The following RALYL variants were observed in gnomAD, a reference collection of about 807,000 sequenced individuals.
The protein encoded by RALYL is RNA-binding Raly-like protein.
RALYL carries 29 observed loss-of-function variants against 35.1 expected under a neutral mutation model. That is an observed-to-expected ratio of 0.83 (90% CI 0.61 to 1.13). The LOEUF (loss-of-function observed/expected upper bound fraction) is 1.13. RALYL is among the 50% of genes most tolerant of loss of function. RALYL has a pLI of 0.00. For missense variants in RALYL, 359 were observed against 360.4 expected, an observed-to-expected ratio of 1.00 and a Z score of 0.03; for synonymous variants, 120 against 127.6, an observed-to-expected ratio of 0.94 and a Z score of 0.40.
chr8:84,594,637 T>C (rs1440743113), intron 2 of RALYL, among the ~76,000 whole-genome samples: 3 of 152,070 alleles, frequency 2.0e-5, no homozygotes, highest in African/African-American at 7.2e-5. Flanking sequence ...GTATAAATTA[T>C]TAATCAATCT....
intron 1 of RALYL, among the ~76,000 whole-genome samples, chr8:84,408,627 G>A (rs1257018044): frequency 6.6e-6 from 1 of 152,128 alleles, no homozygotes; most frequent in Non-Finnish European, 1.5e-5. Flanking sequence ...CAGGTGGGTT[G>A]GGGCTCTTCC....
At chr8:84,557,002 A>G (rs1006313864) in intron 2 of RALYL, among the ~76,000 whole-genome samples, 3 of 152,202 alleles carry the variant, frequency 2.0e-5, no homozygotes, top group Non-Finnish European at 4.4e-5. Flanking sequence ...ATGCTTTTCA[A>G]GCATTTAGGA....
At chr8:84,807,285 T>C (rs1563647251) in intron 4 of RALYL, among the ~76,000 whole-genome samples, 1 of 152,192 alleles carries the variant, frequency 6.6e-6, no homozygotes, top group Non-Finnish European at 1.5e-5. Flanking sequence ...CATTCCTGAG[T>C]TACTTCACTT....
intron 2 of RALYL, among the ~76,000 whole-genome samples, chr8:84,762,694 T>A (rs1563546206): frequency 1.3e-5 from 2 of 152,164 alleles, no homozygotes; most frequent in African/African-American, 4.8e-5. Flanking sequence ...AAATAAGACT[T>A]TCTGAACTTC....
At chr8:84,616,834 T>A (rs1165443661) in intron 2 of RALYL, among the ~76,000 whole-genome samples, 2 of 151,842 alleles carry the variant, frequency 1.3e-5, no homozygotes, top group Non-Finnish European at 2.9e-5. Flanking sequence ...CCCAGCACCA[T>A]TTATTAAGTA....
intron 1 of RALYL, among the ~76,000 whole-genome samples, chr8:84,409,216 C>T (rs531972201): frequency 3.3e-5 from 5 of 151,938 alleles, no homozygotes; most frequent in Non-Finnish European, 7.4e-5. Flanking sequence ...GATTTTATTT[C>T]ATTGAGTTCT....
chr8:84,797,326 G>A (rs1017286802), intron 3 of RALYL, among the ~76,000 whole-genome samples: 5 of 152,186 alleles, frequency 3.3e-5, no homozygotes, highest in South Asian at 4.1e-4. Flanking sequence ...AAACTTCAAC[G>A]TGAGTTTTAG....
At chr8:84,416,080 A>G (rs554636650) in intron 1 of RALYL, among the ~76,000 whole-genome samples, 28 of 152,170 alleles carry the variant, frequency 1.8e-4, no homozygotes, top group Admixed American at 3.3e-4. Context: ...GCATTTTGAG[A>G]TCTCTTACCC....
chr8:84,634,655 G>A (rs1199781997), intron 2 of RALYL, among the ~76,000 whole-genome samples: 1 of 151,630 alleles, frequency 6.6e-6, no homozygotes, highest in Admixed American at 6.6e-5. Context: ...AAGAAGTCAG[G>A]AAATATTCTA....
intron 8 of RALYL, among the ~76,000 whole-genome samples, chr8:84,912,268 T>C (rs570710706): frequency 3.9e-5 from 6 of 152,150 alleles, no homozygotes; most frequent in African/African-American, 1.2e-4. Context: ...AAAAACCAAA[T>C]ATTATAATGA....
At chr8:84,266,822 T>C (rs934340561) in intron 1 of RALYL, among the ~76,000 whole-genome samples, 29 of 151,696 alleles carry the variant, frequency 1.9e-4, no homozygotes, top group Admixed American at 1.9e-3. Context: ...TAGCCGGGCG[T>C]GGTAGCGGGC....
chr8:84,578,255 G>A (rs193067173), intron 2 of RALYL, among the ~76,000 whole-genome samples: 3 of 152,336 alleles, frequency 2.0e-5, no homozygotes, highest in South Asian at 4.1e-4. Flanking sequence ...CACCATAAGC[G>A]GCTTCTGCTG....
At chr8:84,668,949 ACATC>A (rs529680899) in intron 2 of RALYL, among the ~76,000 whole-genome samples, 6,350 of 150,662 alleles carry the variant, frequency 0.042, 193 homozygotes, top group Non-Finnish European at 0.044. Flanking sequence ...GTTCAACAAC[ACATC>A]CATCCATCCA....
chr8:84,578,136 A>C (rs927592172), intron 2 of RALYL, among the ~76,000 whole-genome samples: 9 of 152,214 alleles, frequency 5.9e-5, no homozygotes, highest in Admixed American at 1.3e-4. Context: ...GTGAGTGAGC[A>C]AAAGGTCTGG....
At chr8:84,666,814 G>A (rs1267343825) in intron 2 of RALYL, among the ~76,000 whole-genome samples, 3 of 152,218 alleles carry the variant, frequency 2.0e-5, no homozygotes, top group Non-Finnish European at 4.4e-5. Context: ...TAAAGGGCCA[G>A]TTGATGGTGC....
At chr8:84,519,485 TA>T (rs1303549744) in intron 1 of RALYL, among the ~76,000 whole-genome samples, 3 of 152,188 alleles carry the variant, frequency 2.0e-5, no homozygotes, top group Non-Finnish European at 4.4e-5. Context: ...CTAAGTAACT[TA>T]GAACACTATT....
intron 1 of RALYL, among the ~76,000 whole-genome samples, chr8:84,437,470 T>C (rs1188302573): frequency 6.6e-6 from 1 of 152,150 alleles, no homozygotes; most frequent in Non-Finnish European, 1.5e-5. Flanking sequence ...TACATTCCCA[T>C]CAACAGCACA....
intron 1 of RALYL, among the ~76,000 whole-genome samples, chr8:84,469,235 C>T (rs1459966967): frequency 2.0e-5 from 3 of 152,092 alleles, no homozygotes; most frequent in East Asian, 1.9e-4. Context: ...TTTAGAGTTT[C>T]CAGTTTTTCT....
In RALYL at chr8:84,887,599, C is replaced by A. The variant is rs201804414; in HGVS notation, c.686-5C>A. Reference sequence around the variant, plus strand: ...TAGTAGTCATTTGCTTTCTCCCCCCCCCAGAAGCTCAGAAGAAGCAATTGG... The same window carrying A: ...TAGTAGTCATTTGCTTTCTCCCCCCACCAGAAGCTCAGAAGAAGCAATTGG... On this transcript the variant is annotated splice_polypyrimidine_tract_variant and splice_region_variant and intron_variant, in intron 7 of 8. Transcript: ENST00000521268. 3.3e-4 allele frequency: 531 copies of A among 1,602,596 alleles called. No individual in the cohort carries two copies. Among genetic ancestry groups the A allele is most frequent in the South Asian group, 1.7e-3 (153 of 89,328 alleles).
Sources: allele counts gnomAD v4.1 joint callset (sites outside exome capture counted in the v4.1 genomes callset), GRCh38; gene constraint gnomAD v4.1.1; transcripts MANE v1.5; gene names NCBI Gene and HGNC (gene_info 2026-07-23, HGNC 2026-07-21).